DST: variants seen among roughly 807,000 people sequenced by gnomAD.
DST encodes the protein dystonin.
In DST, 253 loss-of-function variants were observed where a neutral mutation model predicts 875.2. That is an observed-to-expected ratio of 0.29 (90% CI 0.26 to 0.32). DST has a LOEUF of 0.32. Among genes scored for constraint, DST ranks in the 10% least tolerant of loss-of-function variants. The probability of loss-of-function intolerance (pLI) is 1.00; values close to 1 mark genes in which losing one functional copy is unlikely to be tolerated. For missense variants in DST, 8,287 were observed against 9,111.6 expected (o/e 0.91, Z 3.68); for synonymous variants, 3,124 against 3,197.1 (o/e 0.98, Z 0.77).
At chr6:56,560,254 A>G in intron 58 of DST, 40 bp downstream of exon 58, 2 of 1,515,296 alleles carry the variant, frequency 1.3e-6, no homozygotes, top group South Asian at 1.4e-5. Flanking sequence ...AAATGATTGC[A>G]CTTTTCTTCA....
intron 93 of DST, among the ~76,000 whole-genome samples, chr6:56,472,875 A>G (rs561276909): frequency 6.6e-6 from 1 of 152,318 alleles, no homozygotes; most frequent in Non-Finnish European, 1.5e-5. Context: ...CAACTTCACA[A>G]AACAATGACC....
chr6:56,605,627 C>T lies in DST; in HGVS notation c.9001G>A (p.Glu3001Lys). The T allele has an allele frequency of 6.2e-7, 1 of 1,612,926 alleles. No homozygotes were observed. The highest frequency in any genetic ancestry group is 8.5e-7 in the Non-Finnish European group (1 of 1,179,300). The change falls in exon 40 of 104, where the codon GAG (glutamate) becomes AAG (lysine). Residue 3001 changes from glutamate (E) to lysine (K), a missense_variant. Physicochemically the swap from Glu to Lys is moderately conservative, Grantham distance 56. Coordinates refer to ENST00000680361, the MANE Select transcript of DST (RefSeq NM_001374736.1). ...DSSLDHIICT[E>K]PDLIGKPAEE... ...GCAGGTTTTCCTATTAAATCAGGCT[C>T]AGTACAAATGATGTGATCAAGAGAT...
intron 29 of DST, 52 bp from the exon 30 acceptor site, chr6:56,631,441 G>A (rs1463409432): frequency 6.7e-7 from 1 of 1,491,418 alleles, no homozygotes; most frequent in Admixed American, 1.7e-5. Flanking sequence ...GTGATGAGGT[G>A]TTTTTCTTAA....
chr6:56,636,287 C>CAT (rs993234103), intron 23 of DST, among the ~76,000 whole-genome samples: 55 of 148,182 alleles, frequency 3.7e-4, no homozygotes, highest in African/African-American at 1.4e-3. Context: ...CACACACACA[C>CAT]ATATACATAT....
intron 4 of DST, among the ~76,000 whole-genome samples, chr6:56,786,307 ATG>A: frequency 6.6e-6 from 1 of 152,336 alleles, no homozygotes; most frequent in Admixed American, 6.5e-5. Context: ...TATTTGACAG[ATG>A]TGTGTTTGTT....
At chr6:56,505,608 A>G (rs2096283714) in intron 77 of DST, among the ~76,000 whole-genome samples, 1 of 152,180 alleles carries the variant, frequency 6.6e-6, no homozygotes. Context: ...ATTTATTTTT[A>G]CAAATATAGA....
chr6:56,600,770 T>A (rs1273463359), intron 44 of DST, among the ~76,000 whole-genome samples: 4 of 152,078 alleles, frequency 2.6e-5, no homozygotes, highest in Non-Finnish European at 4.4e-5. Flanking sequence ...ATTCATTAAA[T>A]CTTCTAAAAG....
At chr6:56,460,454 C>A (rs1480378318) in intron 102 of DST, 200 bp from the exon 103 acceptor site, 2 of 491,880 alleles carry the variant, frequency 4.1e-6, no homozygotes, top group Admixed American at 6.9e-5. Flanking sequence ...TCTCAGAATT[C>A]AAAGAAACTT....
chr6:56,871,758 A>G, intron 3 of DST: 1 of 486,376 alleles, frequency 2.1e-6, no homozygotes, highest in Non-Finnish European at 3.7e-6. Flanking sequence ...TCAGCGTTAA[A>G]ATAAATACAA....
At chr6:56,804,324 G>T (rs945879360) in intron 4 of DST, among the ~76,000 whole-genome samples, 4 of 151,992 alleles carry the variant, frequency 2.6e-5, no homozygotes, top group African/African-American at 9.7e-5. Context: ...TCTAGGAAAA[G>T]CTGTCGTTAA....
chr6:56,477,062 T>G (rs537074490), intron 91 of DST, among the ~76,000 whole-genome samples: 12 of 152,336 alleles, frequency 7.9e-5, no homozygotes, highest in Admixed American at 4.6e-4. Context: ...ACTGCTGGAT[T>G]ATTCAACAGA....
intron 68 of DST, 58 bp downstream of exon 68, chr6:56,527,435 T>C: frequency 6.5e-7 from 1 of 1,548,910 alleles, no homozygotes; most frequent in Non-Finnish European, 8.7e-7. Flanking sequence ...TATTTTTGTG[T>C]GAATAAGACT....
intron 2 of DST, among the ~76,000 whole-genome samples, chr6:56,934,918 C>T (rs1812240819): frequency 6.6e-6 from 1 of 151,986 alleles, no homozygotes; most frequent in South Asian, 2.1e-4. Context: ...ACTAGTGTTT[C>T]TTTGAGCAAC....
At position 56,835,833 on chromosome 6, in the gene DST, T is replaced by C. The variant is rs541054971; in HGVS notation, c.625+15564A>G. Among the ~76,000 whole-genome samples, 27 of 152,308 alleles carry C rather than the reference T, an allele frequency of 1.8e-4. No individual in the cohort carries two copies. In the South Asian group the frequency reaches 5.6e-3, roughly 32 times the overall value. ...TTTAATACCAGGGTTCACTGGGAAA[T>C]ATTTTCACCCACTAGAGTAAAATCA... On this transcript the variant is annotated intron_variant, in intron 4 of 103. Transcript: ENST00000680361.
chr6:56,462,414 TA>T (rs146197357), intron 102 of DST, among the ~76,000 whole-genome samples: 3 of 152,060 alleles, frequency 2.0e-5, no homozygotes, highest in African/African-American at 4.8e-5. Context: ...TTAAAATCTT[TA>T]AAAAAAACCC....
intron 4 of DST, among the ~76,000 whole-genome samples, chr6:56,741,131 CA>C (rs2099545479): frequency 6.6e-6 from 1 of 152,060 alleles, no homozygotes; most frequent in Admixed American, 6.6e-5. Flanking sequence ...AATTACTTAC[CA>C]AAGCAGTATA....
intron 2 of DST, among the ~76,000 whole-genome samples, chr6:56,925,661 A>G (rs755424803): frequency 3.9e-5 from 6 of 152,250 alleles, no homozygotes; most frequent in Non-Finnish European, 7.3e-5. Flanking sequence ...CAGCAGCTCA[A>G]GATGGGAAAA....
At position 56,528,748 on chromosome 6, in the gene DST, A is replaced by T. The variant is rs1207055296; in HGVS notation, c.17680+93T>A. Reference sequence around the variant, plus strand: ...AAAGTCTTGGAATGGACCAAAAATTATAAAGTGTTTTGGTTTTTTCCCATC... The same window carrying T: ...AAAGTCTTGGAATGGACCAAAAATTTTAAAGTGTTTTGGTTTTTTCCCATC... On this transcript the variant is annotated intron_variant, in intron 67 of 103. Coordinates refer to ENST00000680361, the MANE Select transcript of DST (RefSeq NM_001374736.1). The T allele has an allele frequency of 7.9e-6, 7 of 882,062 alleles. No homozygotes were observed. In the South Asian group the frequency reaches 1.1e-4, roughly 14 times the overall value. The allele number at this position is 882,062 out of a possible 1,614,324, so 54.6% of individuals were successfully genotyped here.
At chr6:56,563,911 C>CTCTGT (rs2097592612) in intron 55 of DST, among the ~76,000 whole-genome samples, 1 of 152,076 alleles carries the variant, frequency 6.6e-6, no homozygotes, top group Admixed American at 6.5e-5. Flanking sequence ...TTTCTGAGGC[C>CTCTGT]TCTGTTCTGT....
Sources: gnomAD v4.1 joint callset for allele counts (sites outside exome capture counted in the v4.1 genomes callset) on GRCh38, gnomAD v4.1.1 for gene constraint, MANE v1.5 for transcripts, NCBI Gene and HGNC (gene_info 2026-07-23, HGNC 2026-07-21) for gene names.